Variants in SLC10A7 observed in about 807,000 individuals in gnomAD.
SLC10A7 encodes solute carrier family 10 member 7, also known as sodium/bile acid cotransporter 7.
SLC10A7 carries 29 observed loss-of-function variants against 43.2 expected under a neutral mutation model. That is an observed-to-expected ratio of 0.67 (90% CI 0.50 to 0.92). The LOEUF is 0.92. Ranked by LOEUF, SLC10A7 falls within the 40% of genes least tolerant of loss-of-function variation. The probability of loss-of-function intolerance (pLI) is 0.00; values close to 1 mark genes in which losing one functional copy is unlikely to be tolerated. For missense variants in SLC10A7, 295 were observed against 403.2 expected (o/e 0.73, Z 2.30); for synonymous variants, 152 against 144.8 (o/e 1.05, Z -0.35).
At chr4:146,397,458 T>C (rs1395331368) in intron 5 of SLC10A7, among the ~76,000 whole-genome samples, 1 of 152,182 alleles carries the variant, frequency 6.6e-6, no homozygotes. Flanking sequence ...ACTGGTAACC[T>C]TTCTCATTTG....
chr4:146,410,485 C>A (rs1444875020), intron 5 of SLC10A7, among the ~76,000 whole-genome samples: 1 of 152,152 alleles, frequency 6.6e-6, no homozygotes, highest in Non-Finnish European at 1.5e-5. Context: ...AGACTTCCTA[C>A]AATGAGCCAG....
chr4:146,330,226 C>T (rs1276380636), intron 5 of SLC10A7, among the ~76,000 whole-genome samples: 1 of 152,018 alleles, frequency 6.6e-6, no homozygotes, highest in Non-Finnish European at 1.5e-5. Flanking sequence ...AAACAAAAAG[C>T]CCCAAATAAC....
At chr4:146,515,662 C>A (rs752248973) in intron 2 of SLC10A7, among the ~76,000 whole-genome samples, 3 of 152,120 alleles carry the variant, frequency 2.0e-5, no homozygotes, top group Non-Finnish European at 4.4e-5. Context: ...GTAATCCCAA[C>A]ACTATGGGAG....
chr4:146,429,996 T>C (rs1286930777), intron 5 of SLC10A7, among the ~76,000 whole-genome samples: 3 of 151,110 alleles, frequency 2.0e-5, no homozygotes, highest in Admixed American at 2.0e-4. Context: ...AAAAAATCAT[T>C]CAAAACGGAT....
chr4:146,348,184 G>C (rs925069203), intron 5 of SLC10A7, among the ~76,000 whole-genome samples: 1 of 152,124 alleles, frequency 6.6e-6, no homozygotes, highest in African/African-American at 2.4e-5. Context: ...AAAATGTTCT[G>C]TAATTACCAA....
chr4:146,451,263 A>G (rs1731584130), intron 4 of SLC10A7, among the ~76,000 whole-genome samples: 1 of 149,714 alleles, frequency 6.7e-6, no homozygotes, highest in African/African-American at 2.5e-5. Flanking sequence ...AAAAAAAACC[A>G]GGACCAGCTG....
intron 5 of SLC10A7, among the ~76,000 whole-genome samples, chr4:146,382,269 A>G (rs1737681370): frequency 6.6e-6 from 1 of 152,184 alleles, no homozygotes; most frequent in Admixed American, 6.6e-5. Flanking sequence ...ATTCTCCTGT[A>G]GAAGGACTAA....
In SLC10A7 at chr4:146,324,023, C is replaced by A. The variant is rs149845492; in HGVS notation, c.471+1938G>T. 7.6e-3 allele frequency among the ~76,000 whole-genome samples: 1,158 copies of A among 152,170 alleles called. 13 individuals are homozygous for A. The highest frequency in any genetic ancestry group is 0.021 in the African/African-American group (892 of 41,492). On this transcript the variant is annotated intron_variant, in intron 6 of 11. Coordinates refer to ENST00000335472, the MANE Select transcript of SLC10A7 (RefSeq NM_001029998.6). ...CAAAATTCAAAAGCATTCTTATACACCAATAACAGACAAACAGAGAGCCAA... is the reference window on the plus strand; with the variant it reads ...CAAAATTCAAAAGCATTCTTATACAACAATAACAGACAAACAGAGAGCCAA...
At position 146,486,181 on chromosome 4, in the gene SLC10A7, C is replaced by T. The variant is rs117107692; in HGVS notation, c.396+17668G>A. 1.7e-3 allele frequency among the ~76,000 whole-genome samples: 253 copies of T among 152,278 alleles called. 6 individuals carry two copies. The East Asian group carries it at 0.045, about 27-fold the overall frequency. ...CAACATTCAATAAGACCATTCAATA[C>T]TCAACTAGAAACTGCAGGTCATTCA... is the stretch of plus-strand genomic sequence containing the variant. On this transcript the variant is annotated intron_variant, in intron 4 of 11. Coordinates refer to ENST00000335472, the MANE Select transcript of SLC10A7 (RefSeq NM_001029998.6).
chr4:146,405,214 T>G (rs929855527), intron 5 of SLC10A7, among the ~76,000 whole-genome samples: 2 of 152,302 alleles, frequency 1.3e-5, no homozygotes, highest in East Asian at 3.9e-4. Flanking sequence ...CAACTTTCTA[T>G]TTTCCAGATC....
At chr4:146,287,226 C>G (rs76000615) in intron 9 of SLC10A7, among the ~76,000 whole-genome samples, 9,606 of 151,526 alleles carry the variant, frequency 0.063, 421 homozygotes, top group South Asian at 0.2. Context: ...GAAGGACCGT[C>G]TTTGGAGTGG....
intron 2 of SLC10A7, among the ~76,000 whole-genome samples, chr4:146,512,344 C>T (rs779515061): frequency 3.2e-4 from 48 of 152,172 alleles, no homozygotes; most frequent in Middle Eastern, 3.4e-3. Context: ...TATATATCAA[C>T]GACTATATAA....
intron 5 of SLC10A7, among the ~76,000 whole-genome samples, chr4:146,340,691 A>C (rs1734205631): frequency 6.6e-6 from 1 of 151,914 alleles, no homozygotes; most frequent in African/African-American, 2.4e-5. Flanking sequence ...GACTTATCCC[A>C]ATAAAATTAC....
At chr4:146,283,414 T>C (rs991092301) in intron 9 of SLC10A7, 149 bp from the exon 10 acceptor site, 1 of 637,914 alleles carries the variant, frequency 1.6e-6, no homozygotes, top group East Asian at 2.7e-5. Flanking sequence ...TACAGAAGTG[T>C]CTGGATTTCT....
intron 4 of SLC10A7, among the ~76,000 whole-genome samples, chr4:146,467,481 A>ATG (rs1733135802): frequency 6.7e-6 from 1 of 150,050 alleles, no homozygotes; most frequent in African/African-American, 2.5e-5. Flanking sequence ...ACACACACAC[A>ATG]CACACACACA....
At chr4:146,388,922 A>G (rs1454320567) in intron 5 of SLC10A7, among the ~76,000 whole-genome samples, 1 of 152,196 alleles carries the variant, frequency 6.6e-6, no homozygotes, top group Non-Finnish European at 1.5e-5. Flanking sequence ...CCTGTACAGC[A>G]AAATAAATAA....
chr4:146,515,632 G>A (rs1324472791), intron 2 of SLC10A7, among the ~76,000 whole-genome samples: 2 of 152,118 alleles, frequency 1.3e-5, no homozygotes, highest in African/African-American at 2.4e-5. Flanking sequence ...CAATGAGGCC[G>A]GGTGTGGTGG....
intron 5 of SLC10A7, among the ~76,000 whole-genome samples, chr4:146,381,825 C>T (rs1737643649): frequency 6.6e-6 from 1 of 152,058 alleles, no homozygotes; most frequent in Non-Finnish European, 1.5e-5. Context: ...TTATCAATCA[C>T]CTAGACAGCA....
At chr4:146,358,081 A>T (rs1735787977) in intron 5 of SLC10A7, among the ~76,000 whole-genome samples, 1 of 151,916 alleles carries the variant, frequency 6.6e-6, no homozygotes, top group Admixed American at 6.6e-5. Flanking sequence ...CACAAAAAAA[A>T]AAAAAGAGCT....
Sources: allele counts gnomAD v4.1 joint callset (sites outside exome capture counted in the v4.1 genomes callset), GRCh38; gene constraint gnomAD v4.1.1; transcripts MANE v1.5; gene names NCBI Gene and HGNC (gene_info 2026-07-23, HGNC 2026-07-21).